The following CSNK1G1 variants were observed in gnomAD, a reference collection of about 807,000 sequenced individuals.
CSNK1G1 encodes casein kinase 1 gamma 1.
CSNK1G1 carries 22 observed loss-of-function variants against 59.6 expected under a neutral mutation model. That is an observed-to-expected ratio of 0.37 (90% CI 0.26 to 0.53). The LOEUF (loss-of-function observed/expected upper bound fraction) is 0.53. Ranked by LOEUF, CSNK1G1 falls within the 20% of genes least tolerant of loss-of-function variation. CSNK1G1 has a pLI of 0.89. For missense variants in CSNK1G1, 384 were observed against 519.5 expected (o/e 0.74, Z 2.54); for synonymous variants, 179 against 177.1 (o/e 1.01, Z -0.08).
intron 2 of CSNK1G1, among the ~76,000 whole-genome samples, chr15:64,277,191 G>A (rs541270211): frequency 1.3e-5 from 2 of 152,156 alleles, no homozygotes; most frequent in Admixed American, 6.6e-5. Context: ...GAGGCTGGGT[G>A]CTGTGGCACA....
At chr15:64,244,477 A>G (rs1040069699) in intron 4 of CSNK1G1, among the ~76,000 whole-genome samples, 3 of 152,128 alleles carry the variant, frequency 2.0e-5, no homozygotes, top group Non-Finnish European at 2.9e-5. Flanking sequence ...TAGCTTCAAC[A>G]CAATCCATAT....
chr15:64,227,222 T>C (rs2082474885), intron 4 of CSNK1G1, among the ~76,000 whole-genome samples: 1 of 152,176 alleles, frequency 6.6e-6, no homozygotes, highest in African/African-American at 2.4e-5. Flanking sequence ...CTAACACAAT[T>C]GATTTTTCTG....
chr15:64,183,960 C>T (rs1019365365), intron 10 of CSNK1G1, among the ~76,000 whole-genome samples: 2 of 152,118 alleles, frequency 1.3e-5, no homozygotes, highest in South Asian at 4.1e-4. Flanking sequence ...TGGTCTTGAA[C>T]TCCTGACCCC....
intron 10 of CSNK1G1, among the ~76,000 whole-genome samples, chr15:64,195,932 C>A (rs1275278145): frequency 4.6e-5 from 7 of 152,034 alleles, no homozygotes; most frequent in African/African-American, 1.4e-4. Flanking sequence ...AATTTATGTT[C>A]AAAAAAATTG....
At chr15:64,326,752 ATCTG>A (rs1896860795) in intron 1 of CSNK1G1, among the ~76,000 whole-genome samples, 1 of 151,430 alleles carries the variant, frequency 6.6e-6, no homozygotes, top group South Asian at 2.1e-4. Flanking sequence ...CTGCATTTCC[ATCTG>A]AGGTACCGGG....
chr15:64,174,361 G>A (rs893698003), intron 11 of CSNK1G1, among the ~76,000 whole-genome samples: 2 of 152,242 alleles, frequency 1.3e-5, no homozygotes, highest in African/African-American at 4.8e-5. Flanking sequence ...GCTAGTTATT[G>A]TAGTTAAAGC....
intron 1 of CSNK1G1, among the ~76,000 whole-genome samples, chr15:64,343,235 A>ACACACACACACACACC (rs1375118135): frequency 1.3e-5 from 2 of 150,478 alleles, no homozygotes; most frequent in Non-Finnish European, 1.5e-5. Context: ...ACACACACAC[A>ACACACACACACACACC]CCTCTTCTAA....
intron 4 of CSNK1G1, among the ~76,000 whole-genome samples, chr15:64,221,972 C>T (rs993670142): frequency 2.6e-5 from 4 of 152,062 alleles, no homozygotes; most frequent in African/African-American, 7.2e-5. Flanking sequence ...AAGACACATG[C>T]ACATGTATGT....
At chr15:64,336,152 C>T (rs1418305595) in intron 1 of CSNK1G1, among the ~76,000 whole-genome samples, 1 of 152,166 alleles carries the variant, frequency 6.6e-6, no homozygotes, top group African/African-American at 2.4e-5. Context: ...CTAAACCGTT[C>T]AAAGCACCAT....
chr15:64,321,014 G>A (rs148210012), intron 1 of CSNK1G1, among the ~76,000 whole-genome samples: 14 of 151,892 alleles, frequency 9.2e-5, no homozygotes, highest in African/African-American at 2.9e-4. Flanking sequence ...ATACAAATTC[G>A]TAATATAAAA....
intron 2 of CSNK1G1, among the ~76,000 whole-genome samples, chr15:64,274,580 T>C (rs1893504484): frequency 1.3e-5 from 2 of 152,228 alleles, no homozygotes; most frequent in South Asian, 4.1e-4. Flanking sequence ...TATTGGTTCC[T>C]TTATTCTTAA....
In CSNK1G1 at chr15:64,346,559, G is replaced by A. The variant is rs185438563; in HGVS notation, c.-225+9429C>T. Among the ~76,000 whole-genome samples the A allele has an allele frequency of 6.7e-3, 1,013 of 152,076 alleles. 7 individuals are homozygous for A. The highest frequency in any genetic ancestry group is 9.3e-3 in the Non-Finnish European group (629 of 67,996). On this transcript the variant is annotated intron_variant, in intron 1 of 11. Coordinates refer to ENST00000303052, the MANE Select transcript of CSNK1G1 (RefSeq NM_022048.5). ...TGCAAATTCCGCCTCCCAGGTTCAA[G>A]TGATTCTCCTGCCTCAGCCTCCTGA... is the stretch of plus-strand genomic sequence containing the variant.
intron 2 of CSNK1G1, among the ~76,000 whole-genome samples, chr15:64,260,156 C>T (rs1046210648): frequency 2.0e-5 from 3 of 152,150 alleles, no homozygotes; most frequent in African/African-American, 7.2e-5. Flanking sequence ...TCTTCTTACA[C>T]GTTTGCCTTC....
chr15:64,260,621 T>G (rs760689648), intron 2 of CSNK1G1, among the ~76,000 whole-genome samples: 2 of 151,878 alleles, frequency 1.3e-5, no homozygotes, highest in Non-Finnish European at 2.9e-5. Flanking sequence ...ACTTGTAATC[T>G]CAGCTACTTG....
chr15:64,284,750 T>C (rs1894320726), intron 2 of CSNK1G1, among the ~76,000 whole-genome samples: 1 of 152,128 alleles, frequency 6.6e-6, no homozygotes, highest in South Asian at 2.1e-4. Flanking sequence ...CTAAGATATT[T>C]TTAATTTTTA....
At position 64,166,529 on chromosome 15, in the gene CSNK1G1, T is replaced by TGAACACACGCACTCACGTGCGC. The variant is rs2081604845; in HGVS notation, c.*5380_*5401dup. On this transcript the variant is annotated 3_prime_UTR_variant, in exon 12 of 12. Transcript: ENST00000303052. The surrounding 1 kb of genome is among the most constrained non-coding windows in gnomAD (Gnocchi z 4.5). Reference sequence around the variant, plus strand: ...TTTATGGAAGTGAAATGCACATAGATGAACACACGCACTCACGTGCGCACA... The same window carrying TGAACACACGCACTCACGTGCGC: ...TTTATGGAAGTGAAATGCACATAGATGAACACACGCACTCACGTGCGCGAACACACGCACTCACGTGCGCACA... 6.5e-6 allele frequency: 1 copy of TGAACACACGCACTCACGTGCGC among 152,938 alleles called. No homozygotes were observed. The highest frequency in any genetic ancestry group is 2.4e-5 in the African/African-American group (1 of 41,454). The allele number at this position is 152,938 out of a possible 1,614,324, so 9.5% of individuals were successfully genotyped here.
chr15:64,272,576 T>C (rs1007285554), intron 2 of CSNK1G1, among the ~76,000 whole-genome samples: 1 of 152,158 alleles, frequency 6.6e-6, no homozygotes, highest in Admixed American at 6.5e-5. Context: ...CTAGTATTGA[T>C]AGGTATGGAT....
In CSNK1G1 at chr15:64,242,767, G is replaced by A. The variant is rs1421228590; in HGVS notation, c.292+8745C>T. On this transcript the variant is annotated intron_variant, in intron 4 of 11. Transcript: ENST00000303052. ...TTACCCTGATGCCAAAACCAGACCA[G>A]GACACAACAACAAAAGAAAACTACA... is the stretch of plus-strand genomic sequence containing the variant. 2.6e-5 allele frequency among the ~76,000 whole-genome samples: 4 copies of A among 151,954 alleles called. No individual in the cohort carries two copies. In the East Asian group the frequency reaches 7.7e-4, roughly 29 times the overall value.
intron 3 of CSNK1G1, among the ~76,000 whole-genome samples, chr15:64,252,981 G>A (rs569244677): frequency 6.6e-6 from 1 of 152,124 alleles, no homozygotes; most frequent in African/African-American, 2.4e-5. Context: ...GCTGAGGCAG[G>A]AGGATCACTG....
Sources: allele counts gnomAD v4.1 joint callset (sites outside exome capture counted in the v4.1 genomes callset), GRCh38; gene constraint gnomAD v4.1.1; non-coding constraint Gnocchi (gnomAD v3.1); transcripts MANE v1.5; gene names NCBI Gene and HGNC (gene_info 2026-07-23, HGNC 2026-07-21).